Variants in NCK2 observed in about 807,000 individuals in gnomAD.
The protein encoded by NCK2 is cytoplasmic protein NCK2.
A neutral mutation model predicts 33.9 loss-of-function variants in NCK2; 16 were observed. The observed-to-expected ratio is 0.47, with a 90% CI of 0.32 to 0.72. NCK2 has a LOEUF of 0.72. NCK2 is among the 30% of genes least tolerant of loss of function. The pLI, the probability that NCK2 is intolerant of heterozygous loss-of-function variation, is 0.03. For synonymous variants in NCK2, 273 were observed against 239.9 expected (o/e 1.14, Z -1.27); for missense variants, 418 against 537.3 (o/e 0.78, Z 2.19).
chr2:105,879,754 C>T (rs1053322745), intron 3 of NCK2, among the ~76,000 whole-genome samples: 3 of 152,254 alleles, frequency 2.0e-5, no homozygotes, highest in East Asian at 1.9e-4. Context: ...AGCCTTTTTA[C>T]CCTCTTCACC....
At chr2:105,765,786 G>GGTGTGTGT (rs56917992) in intron 1 of NCK2, among the ~76,000 whole-genome samples, 60 of 147,340 alleles carry the variant, frequency 4.1e-4, no homozygotes, top group East Asian at 3.8e-3. Context: ...TAGAATAGGG[G>GGTGTGTGT]GTGTGTGTGT....
chr2:105,749,452 A>G (rs1473941950), intron 1 of NCK2, among the ~76,000 whole-genome samples: 1 of 152,234 alleles, frequency 6.6e-6, no homozygotes, highest in Non-Finnish European at 1.5e-5. Flanking sequence ...CTTCACATAC[A>G]CCATCATATT....
At chr2:105,885,411 AAATAG>A (rs1678684693) in intron 4 of NCK2, among the ~76,000 whole-genome samples, 1 of 148,632 alleles carries the variant, frequency 6.7e-6, no homozygotes, top group African/African-American at 2.4e-5. Context: ...CTGGGAAATA[AAATAG>A]AATAGCTCCT....
At chr2:105,850,111 CT>C (rs996585077) in intron 2 of NCK2, among the ~76,000 whole-genome samples, 2 of 152,178 alleles carry the variant, frequency 1.3e-5, no homozygotes, top group African/African-American at 4.8e-5. Flanking sequence ...ACAGAAGAAA[CT>C]GAAATCCAAG....
At chr2:105,891,562 T>A (rs2104692036) in intron 4 of NCK2, among the ~76,000 whole-genome samples, 1 of 10,356 alleles carries the variant, frequency 9.7e-5, no homozygotes, top group Non-Finnish European at 1.6e-4. Context: ...TTTTTTTTTT[T>A]TTTTTTGAGA....
chr2:105,806,782 A>C (rs1675061410), intron 1 of NCK2, among the ~76,000 whole-genome samples: 1 of 152,148 alleles, frequency 6.6e-6, no homozygotes, highest in African/African-American at 2.4e-5. Context: ...TCAGTTTCTT[A>C]GAAGCAAATC....
chr2:105,765,817 CTGTG>C (rs1021023464), intron 1 of NCK2, among the ~76,000 whole-genome samples: 5 of 121,244 alleles, frequency 4.1e-5, no homozygotes, highest in African/African-American at 7.9e-5. Context: ...GTGTGTGTGT[CTGTG>C]TGTGTGTGTG....
At chr2:105,748,828 G>A (rs984931668) in intron 1 of NCK2, among the ~76,000 whole-genome samples, 6 of 152,132 alleles carry the variant, frequency 3.9e-5, no homozygotes, top group African/African-American at 1.4e-4. Context: ...TATTGAATAT[G>A]TGAATAATGA....
At position 105,893,418 on chromosome 2, in the gene NCK2, T is replaced by G; in HGVS notation, c.*242T>G. 1 of 455,184 alleles carries G rather than the reference T, an allele frequency of 2.2e-6. No homozygotes were observed. Among genetic ancestry groups the G allele is most frequent in the Non-Finnish European group, 4.0e-6 (1 of 249,724 alleles). The allele number at this position is 455,184 out of a possible 1,614,324, so 28.2% of individuals were successfully genotyped here. A position where few individuals can be genotyped will look rare whatever the true frequency, so the allele number is the denominator to read the frequency against. Reference sequence around the variant, plus strand: ...AGCAGGGCGAGTTCACATTATTCCTTTTCCATCGGAAGTGGCGCTCGTGCA... The same window carrying G: ...AGCAGGGCGAGTTCACATTATTCCTGTTCCATCGGAAGTGGCGCTCGTGCA... On this transcript the variant is annotated 3_prime_UTR_variant, in exon 5 of 5. Transcript: ENST00000233154.
Position 105,894,019 on chromosome 2 carries a change from A to ACACT in NCK2, c.*844_*845insACTC, listed in dbSNP as rs1679111183. 1 of 83,946 alleles carries ACACT rather than the reference A, an allele frequency of 1.2e-5. No homozygotes were observed. The highest frequency in any genetic ancestry group is 2.8e-5 in the Non-Finnish European group (1 of 35,886). 5.2% of individuals were successfully genotyped at this position (83,946 alleles called of 1,614,324 possible). A position where few individuals can be genotyped will look rare whatever the true frequency, so the allele number is the denominator to read the frequency against. On this transcript the variant is annotated 3_prime_UTR_variant, in exon 5 of 5. Transcript: ENST00000233154. ...CACGTGCACACACACACACACACAC[A>ACACT]CTATATATATATATATTATTTACAG...
intron 4 of NCK2, among the ~76,000 whole-genome samples, chr2:105,887,420 T>C (rs1399455937): frequency 6.6e-6 from 1 of 152,154 alleles, no homozygotes; most frequent in Non-Finnish European, 1.5e-5. Context: ...TAGAAGGAGA[T>C]GTGTAGATTA....
At position 105,768,658 on chromosome 2, in the gene NCK2, A is replaced by C. The variant is rs1224716743; in HGVS notation, c.-201+23520A>C. On this transcript the variant is annotated intron_variant, in intron 1 of 4. Coordinates refer to ENST00000233154, the MANE Select transcript of NCK2 (RefSeq NM_003581.5). Reference sequence around the variant, plus strand: ...ACACAAATACTTAAACTTTCTTAAAACATGATGAGTTTTTTTTGAAATTTT... The same window carrying C: ...ACACAAATACTTAAACTTTCTTAAACCATGATGAGTTTTTTTTGAAATTTT... 2.6e-5 allele frequency among the ~76,000 whole-genome samples: 4 copies of C among 152,356 alleles called. No homozygotes were observed. In the East Asian group the frequency reaches 7.7e-4, roughly 29 times the overall value.
chr2:105,746,987 A>G (rs1470822357), intron 1 of NCK2, among the ~76,000 whole-genome samples: 1 of 152,130 alleles, frequency 6.6e-6, no homozygotes. Context: ...GAAACACTGG[A>G]TGAAATTGGG....
intron 1 of NCK2, among the ~76,000 whole-genome samples, chr2:105,776,192 C>T (rs1274654057): frequency 3.9e-5 from 6 of 152,166 alleles, no homozygotes; most frequent in Non-Finnish European, 8.8e-5. Flanking sequence ...ACTTCCTGTA[C>T]GTTGCTACAG....
intron 2 of NCK2, chr2:105,853,810 A>G (rs936158622): frequency 3.9e-5 from 6 of 152,196 alleles, no homozygotes; most frequent in Non-Finnish European, 8.8e-5. Flanking sequence ...GAAAATTACT[A>G]AGAGGAAACA....
intron 1 of NCK2, among the ~76,000 whole-genome samples, chr2:105,769,030 T>C (rs1244703621): frequency 6.6e-6 from 1 of 152,052 alleles, no homozygotes; most frequent in African/African-American, 2.4e-5. Flanking sequence ...TCACACGTTT[T>C]GTCTTTCTGG....
intron 1 of NCK2, among the ~76,000 whole-genome samples, chr2:105,770,683 T>C (rs1690105617): frequency 6.6e-6 from 1 of 152,224 alleles, no homozygotes; most frequent in Non-Finnish European, 1.5e-5. Flanking sequence ...GCCTAGGATA[T>C]GGATATCGAT....
chr2:105,815,336 A>G (rs771977205), intron 1 of NCK2, among the ~76,000 whole-genome samples: 7 of 151,024 alleles, frequency 4.6e-5, no homozygotes, highest in African/African-American at 7.4e-5. Context: ...CCCTATTTGA[A>G]TTATCTTCTT....
intron 1 of NCK2, among the ~76,000 whole-genome samples, chr2:105,754,785 A>C (rs1017044384): frequency 2.0e-5 from 3 of 152,054 alleles, no homozygotes; most frequent in Admixed American, 1.3e-4. Context: ...AAGAAATAAC[A>C]AGGGATTCAG....
Sources: allele counts gnomAD v4.1 joint callset (sites outside exome capture counted in the v4.1 genomes callset), GRCh38; gene constraint gnomAD v4.1.1; transcripts MANE v1.5; gene names NCBI Gene and HGNC (gene_info 2026-07-23, HGNC 2026-07-21).